The following LMAN1 variants were observed in gnomAD, a reference collection of about 807,000 sequenced individuals.
The protein encoded by LMAN1 is lectin, mannose binding 1.
A neutral mutation model predicts 67.8 loss-of-function variants in LMAN1; 32 were observed. That is an observed-to-expected ratio of 0.47 (90% CI 0.36 to 0.63). The LOEUF is 0.63. Ranked by LOEUF, LMAN1 falls within the 30% of genes least tolerant of loss-of-function variation. The pLI, the probability that LMAN1 is intolerant of heterozygous loss-of-function variation, is 0.00. For missense variants in LMAN1, 632 were observed against 628.2 expected (o/e 1.01, Z -0.06); for synonymous variants, 235 against 219.3 (o/e 1.07, Z -0.63).
At chr18:59,342,658 T>C (rs535173411) in intron 8 of LMAN1, among the ~76,000 whole-genome samples, 69 of 151,214 alleles carry the variant, frequency 4.6e-4, no homozygotes, top group African/African-American at 1.6e-3. Context: ...ACCTCAACAT[T>C]AGGCCACATA....
chr18:59,332,171 G>A (rs1316254022), intron 11 of LMAN1, among the ~76,000 whole-genome samples: 1 of 152,090 alleles, frequency 6.6e-6, no homozygotes, highest in Non-Finnish European at 1.5e-5. Flanking sequence ...TCCCAATATA[G>A]TTATATTTGT....
At chr18:59,337,919 G>A (rs1908195207) in intron 10 of LMAN1, among the ~76,000 whole-genome samples, 1 of 152,138 alleles carries the variant, frequency 6.6e-6, no homozygotes, top group African/African-American at 2.4e-5. Flanking sequence ...GCTCTGAAAT[G>A]TTAGGTTATG....
At chr18:59,350,623 T>C (rs1908522036) in intron 5 of LMAN1, among the ~76,000 whole-genome samples, 4 of 152,000 alleles carry the variant, frequency 2.6e-5, no homozygotes, top group African/African-American at 9.7e-5. Context: ...GCCTCCCGAG[T>C]AGCGGAGACT....
At chr18:59,358,559 G>T (rs1450207457) in intron 1 of LMAN1, among the ~76,000 whole-genome samples, 2 of 151,952 alleles carry the variant, frequency 1.3e-5, no homozygotes, top group Non-Finnish European at 2.9e-5. Flanking sequence ...TGCTAACACC[G>T]GAGCAAAGAA....
In LMAN1 at chr18:59,331,407, A is replaced by G; in HGVS notation, c.1496+11T>C. 6.2e-7 allele frequency: 1 copy of G among 1,604,102 alleles called. No homozygotes were observed. Among genetic ancestry groups the G allele is most frequent in the Non-Finnish European group, 8.5e-7 (1 of 1,171,350 alleles). ...GAAAAATATTGGGTCACATTTTATC[A>G]AGAGACTTACCTATACATGATATAA... On this transcript the variant is annotated intron_variant, in intron 12 of 12. Coordinates refer to ENST00000251047, the MANE Select transcript of LMAN1 (RefSeq NM_005570.4).
intron 8 of LMAN1, among the ~76,000 whole-genome samples, chr18:59,341,252 A>C (rs1908280574): frequency 6.6e-6 from 1 of 152,194 alleles, no homozygotes; most frequent in Non-Finnish European, 1.5e-5. Flanking sequence ...ACAGTAATAC[A>C]ATAATAGTGG....
chr18:59,342,601 T>G (rs568163577), intron 8 of LMAN1, among the ~76,000 whole-genome samples: 2 of 152,056 alleles, frequency 1.3e-5, no homozygotes, highest in East Asian at 3.9e-4. Flanking sequence ...GAAAGGACAT[T>G]CAATAAAATT....
At chr18:59,344,381 G>A (rs1205253031) in intron 8 of LMAN1, among the ~76,000 whole-genome samples, 1 of 152,064 alleles carries the variant, frequency 6.6e-6, no homozygotes, top group Non-Finnish European at 1.5e-5. Flanking sequence ...CAAAGATATG[G>A]AATCAACCTA....
Position 59,333,129 on chromosome 18 carries a change from C to A in LMAN1, c.1336G>T (p.Val446Leu). 1.2e-6 allele frequency: 2 copies of A among 1,613,714 alleles called. No individual in the cohort carries two copies. The highest frequency in any genetic ancestry group is 1.7e-6 in the Non-Finnish European group (2 of 1,179,722). ...FIDIKEHLHIVKRDIDNLVQR... is the reference protein window; with the variant it reads ...FIDIKEHLHILKRDIDNLVQR... ...ACTAAGTTATCTATGTCCCTCTTTA[C>A]TATGTGCAGGTGCTCTTTGATGTCA... The change falls in exon 11 of 13, where the codon GTA becomes TTA. Residue 446 changes from valine to leucine, a missense_variant. Val to Leu is a conservative substitution (Grantham distance 32). Coordinates refer to ENST00000251047, the MANE Select transcript of LMAN1 (RefSeq NM_005570.4).
Position 59,331,430 on chromosome 18 carries a change from T to C in LMAN1, c.1484A>G (p.Tyr495Cys). The C allele has an allele frequency of 2.5e-6, 4 of 1,608,032 alleles. No individual in the cohort carries two copies. Among genetic ancestry groups the C allele is most frequent in the Non-Finnish European group, 3.4e-6 (4 of 1,174,742 alleles). Residue 495 changes from tyrosine (Y) to cysteine (C), a missense_variant, in exon 12 of 13, where the codon TAT becomes TGT. Transcript: ENST00000251047. ...TCAAGAGACTTACCTATACATGATA[T>C]AACCAATGAATAATACAGTTTGCAC... ...VVVQTVLFIG[Y>C]IMYRSQQEAA...
At chr18:59,344,289 G>A (rs1314584699) in intron 8 of LMAN1, among the ~76,000 whole-genome samples, 2 of 152,100 alleles carry the variant, frequency 1.3e-5, no homozygotes, top group Non-Finnish European at 2.9e-5. Context: ...CCCACTACTG[G>A]GTGTTTACCC....
intron 10 of LMAN1, among the ~76,000 whole-genome samples, chr18:59,333,862 A>G (rs1908084266): frequency 6.6e-6 from 1 of 152,144 alleles, no homozygotes; most frequent in Non-Finnish European, 1.5e-5. Context: ...AAAAAAAAAA[A>G]AGAGACTCAA....
chr18:59,331,247 A>G (rs1171905246), intron 12 of LMAN1, 118 bp from the exon 13 acceptor site: 1 of 1,066,432 alleles, frequency 9.4e-7, no homozygotes, highest in Non-Finnish European at 1.4e-6. Context: ...GCATTAAGAT[A>G]AACATATATT....
chr18:59,349,641 A>T (rs1908497922), intron 5 of LMAN1, among the ~76,000 whole-genome samples: 1 of 152,188 alleles, frequency 6.6e-6, no homozygotes, highest in Admixed American at 6.5e-5. Flanking sequence ...TGAGAATTAA[A>T]CAGATTGTCT....
chr18:59,347,726 CTG>C (rs1908451302), intron 6 of LMAN1, among the ~76,000 whole-genome samples, 155 bp from the exon 7 acceptor site: 2 of 152,226 alleles, frequency 1.3e-5, no homozygotes, highest in African/African-American at 4.8e-5. Context: ...CAATGGCACT[CTG>C]TGAGCTTAGA....
intron 7 of LMAN1, among the ~76,000 whole-genome samples, chr18:59,346,808 C>G (rs894228308): frequency 6.6e-6 from 1 of 152,016 alleles, no homozygotes; most frequent in Non-Finnish European, 1.5e-5. Flanking sequence ...GCATGAGCCA[C>G]CACACCCGGC....
At chr18:59,346,188 C>A in intron 7 of LMAN1, 137 bp from the exon 8 acceptor site, 9 of 394,136 alleles carry the variant, frequency 2.3e-5, no homozygotes, top group East Asian at 5.3e-5. Context: ...TCCTTCTTTA[C>A]TTAAACGATA....
intron 3 of LMAN1, 120 bp downstream of exon 3, chr18:59,355,193 T>G (rs1211986781): frequency 1.3e-6 from 1 of 765,144 alleles, no homozygotes; most frequent in East Asian, 2.7e-5. Flanking sequence ...ATTTACCATA[T>G]AGCTTGGGGA....
chr18:59,343,682 T>C (rs1908337371), intron 8 of LMAN1, among the ~76,000 whole-genome samples: 1 of 151,990 alleles, frequency 6.6e-6, no homozygotes, highest in Non-Finnish European at 1.5e-5. Context: ...ACATAACACA[T>C]GAAACCATAC....
Sources: gnomAD v4.1 joint callset for allele counts (sites outside exome capture counted in the v4.1 genomes callset) on GRCh38, gnomAD v4.1.1 for gene constraint, MANE v1.5 for transcripts, NCBI Gene and HGNC (gene_info 2026-07-23, HGNC 2026-07-21) for gene names.